The following GALNT17 variants were observed in gnomAD, a reference collection of about 807,000 sequenced individuals.
The protein encoded by GALNT17 is UDP-GalNAc:polypeptide N-acetylgalactosaminyltransferase-like 3.
In GALNT17, 29 loss-of-function variants were observed where a neutral mutation model predicts 63.7. That is an observed-to-expected ratio of 0.46 (90% CI 0.34 to 0.62). The LOEUF (loss-of-function observed/expected upper bound fraction) is 0.62. GALNT17 is among the 20% of genes least tolerant of loss of function. The pLI is 0.01. For missense variants in GALNT17, 603 were observed against 799.6 expected (o/e 0.75, Z 2.97); for synonymous variants, 305 against 318.3 (o/e 0.96, Z 0.45).
At chr7:71,177,348 C>A (rs1358502329) in intron 1 of GALNT17, among the ~76,000 whole-genome samples, 1 of 152,168 alleles carries the variant, frequency 6.6e-6, no homozygotes, top group East Asian at 1.9e-4. Context: ...AACCCCATCC[C>A]ACTCTATCCC....
intron 1 of GALNT17, among the ~76,000 whole-genome samples, chr7:71,139,949 G>A (rs936997473): frequency 2.6e-5 from 4 of 152,162 alleles, no homozygotes; most frequent in Non-Finnish European, 4.4e-5. Context: ...AGCAGAGATC[G>A]CGCCCCTGCA....
chr7:71,617,615 C>CG (rs1562712032), intron 6 of GALNT17, among the ~76,000 whole-genome samples: 2 of 106,570 alleles, frequency 1.9e-5, no homozygotes, highest in East Asian at 5.5e-4. Context: ...CAACTGGCTG[C>CG]TTTTGTTTGT....
At chr7:71,679,573 TAC>T (rs1211776856) in intron 9 of GALNT17, among the ~76,000 whole-genome samples, 1 of 152,068 alleles carries the variant, frequency 6.6e-6, no homozygotes, top group Admixed American at 6.5e-5. Flanking sequence ...GCAAGAAATC[TAC>T]AGTAGAATAA....
At position 71,480,021 on chromosome 7, in the gene GALNT17, A is replaced by G. The variant is rs1043452173; in HGVS notation, c.962+58916A>G. 4.6e-5 allele frequency among the ~76,000 whole-genome samples: 7 copies of G among 152,120 alleles called. No homozygotes were observed. The East Asian group carries it at 9.6e-4, about 21-fold the overall frequency. ...TCTATCCTTTGAGAATATGATTTTG[A>G]CATCTGATGGACTCCCAATATTTGA... On this transcript the variant is annotated intron_variant, in intron 5 of 10. Coordinates refer to ENST00000333538, the MANE Select transcript of GALNT17 (RefSeq NM_022479.3).
rs200600852 is a variant in GALNT17 at position 71,599,717 on chromosome 7, AC to A, written c.1080+28323del. Among the ~76,000 whole-genome samples, 49 of 150,026 alleles carry A rather than the reference AC, an allele frequency of 3.3e-4. 1 individual carries two copies. The highest frequency in any genetic ancestry group is 9.3e-4 in the African/African-American group (38 of 40,836). On this transcript the variant is annotated intron_variant, in intron 6 of 10. Transcript: ENST00000333538. ...CTAAACATCCTACAACACACAGGAT[AC>A]CCCCCCCACCCCACCTTAAGAAATT...
At chr7:71,241,409 A>G (rs189077401) in intron 1 of GALNT17, among the ~76,000 whole-genome samples, 1 of 152,294 alleles carries the variant, frequency 6.6e-6, no homozygotes, top group East Asian at 1.9e-4. Flanking sequence ...GAGAAGAATG[A>G]TACTTCCCAG....
At position 71,693,263 on chromosome 7, in the gene GALNT17, TACACACACACACAC is replaced by T. The variant is rs761584365; in HGVS notation, c.1500+15991_1500+16004del. ...ACACATATATATACACACACACACA[TACACACACACACAC>T]ACACACACACACACACACACACACA... is the stretch of plus-strand genomic sequence containing the variant. On this transcript the variant is annotated intron_variant, in intron 9 of 10. Coordinates refer to ENST00000333538, the MANE Select transcript of GALNT17 (RefSeq NM_022479.3). 3.2e-4 allele frequency among the ~76,000 whole-genome samples: 35 copies of T among 108,898 alleles called. 2 individuals carry two copies. Among genetic ancestry groups the T allele is most frequent in the Admixed American group, 1.8e-3 (17 of 9,692 alleles). 71.4% of individuals were successfully genotyped at this position (108,898 alleles called of 152,430 possible).
In GALNT17 at chr7:71,377,114, A is replaced by AAAAAAAAAATAT; in HGVS notation, c.423-11120_423-11119insAAAAAAAATATA. 1.6e-4 allele frequency among the ~76,000 whole-genome samples: 9 copies of AAAAAAAAAATAT among 57,462 alleles called. 3 individuals are homozygous for AAAAAAAAAATAT. Among genetic ancestry groups the AAAAAAAAAATAT allele is most frequent in the Admixed American group, 5.0e-4 (2 of 3,988 alleles). 37.7% of individuals were successfully genotyped at this position (57,462 alleles called of 152,430 possible). ...AAAAAAAAAAAATAAAAATAAAAAA[A>AAAAAAAAAATAT]ATATATATATATATATATATATATA... On this transcript the variant is annotated intron_variant, in intron 2 of 10. Transcript: ENST00000333538.
At chr7:71,613,031 G>C (rs903364159) in intron 6 of GALNT17, among the ~76,000 whole-genome samples, 1 of 152,174 alleles carries the variant, frequency 6.6e-6, no homozygotes, top group Admixed American at 6.5e-5. Flanking sequence ...GACTCCAGTA[G>C]ACGTTTCTGA....
intron 3 of GALNT17, among the ~76,000 whole-genome samples, chr7:71,408,053 A>G (rs1793360858): frequency 6.6e-6 from 1 of 152,162 alleles, no homozygotes; most frequent in South Asian, 2.1e-4. Flanking sequence ...TGGTCAAAAC[A>G]TTTTAAACAT....
intron 9 of GALNT17, among the ~76,000 whole-genome samples, chr7:71,696,670 C>T (rs1242757106): frequency 6.6e-6 from 1 of 152,152 alleles, no homozygotes; most frequent in Non-Finnish European, 1.5e-5. Flanking sequence ...TAGATCATCT[C>T]AAATGGAAAA....
intron 2 of GALNT17, among the ~76,000 whole-genome samples, chr7:71,385,263 G>A (rs1038033613): frequency 2.6e-5 from 4 of 152,068 alleles, no homozygotes; most frequent in African/African-American, 9.7e-5. Context: ...AGAGACAAGG[G>A]CTGGAGGCTG....
chr7:71,191,457 A>G (rs1001145225), intron 1 of GALNT17, among the ~76,000 whole-genome samples: 1 of 151,962 alleles, frequency 6.6e-6, no homozygotes, highest in African/African-American at 2.4e-5. Flanking sequence ...TGTAGCAACT[A>G]CTCAACTCTG....
intron 6 of GALNT17, among the ~76,000 whole-genome samples, chr7:71,581,190 C>T (rs1425089861): frequency 3.9e-5 from 6 of 152,088 alleles, no homozygotes; most frequent in African/African-American, 1.4e-4. Context: ...CATAGTCTCT[C>T]GCCCTGTCAC....
intron 1 of GALNT17, among the ~76,000 whole-genome samples, chr7:71,303,645 C>T (rs1422421295): frequency 6.6e-6 from 1 of 152,112 alleles, no homozygotes; most frequent in Non-Finnish European, 1.5e-5. Flanking sequence ...AGCACGTCGA[C>T]CTGTTGCTTG....
intron 1 of GALNT17, among the ~76,000 whole-genome samples, chr7:71,225,397 C>T (rs1789662919): frequency 6.6e-6 from 1 of 152,176 alleles, no homozygotes; most frequent in South Asian, 2.1e-4. Context: ...TTTCTGTTTC[C>T]AGGCTGGCCA....
At chr7:71,300,152 G>A (rs1475305666) in intron 1 of GALNT17, among the ~76,000 whole-genome samples, 1 of 152,138 alleles carries the variant, frequency 6.6e-6, no homozygotes, top group African/African-American at 2.4e-5. Flanking sequence ...CACCGGAGGG[G>A]GAACAATGAC....
chr7:71,212,121 G>A (rs557136332), intron 1 of GALNT17, among the ~76,000 whole-genome samples: 36 of 152,280 alleles, frequency 2.4e-4, no homozygotes, highest in African/African-American at 7.9e-4. Flanking sequence ...AGAAGCCCAG[G>A]AGGAAAAAGT....
chr7:71,611,971 C>A (rs893155926), intron 6 of GALNT17, among the ~76,000 whole-genome samples: 1 of 152,230 alleles, frequency 6.6e-6, no homozygotes, highest in Admixed American at 6.5e-5. Flanking sequence ...CACACACTTA[C>A]CACCCAGCCA....
Sources: gnomAD v4.1 joint callset for allele counts (sites outside exome capture counted in the v4.1 genomes callset) on GRCh38, gnomAD v4.1.1 for gene constraint, MANE v1.5 for transcripts, NCBI Gene and HGNC (gene_info 2026-07-23, HGNC 2026-07-21) for gene names.